Variants in SIRPA observed in about 807,000 individuals in gnomAD.
SIRPA encodes tyrosine-protein phosphatase non-receptor type substrate 1.
In SIRPA, 9 loss-of-function variants were observed where a neutral mutation model predicts 50.3. The observed-to-expected ratio is 0.18, with a 90% CI of 0.11 to 0.31. The LOEUF is 0.31. Among genes scored for constraint, SIRPA ranks in the 10% least tolerant of loss-of-function variants. SIRPA has a pLI of 1.00. For missense variants in SIRPA, 474 were observed against 661.6 expected (o/e 0.72, Z 3.11); for synonymous variants, 265 against 284.1 (o/e 0.93, Z 0.68).
At chr20:1,900,349 C>CAA (rs1166794000) in intron 1 of SIRPA, among the ~76,000 whole-genome samples, 1 of 152,144 alleles carries the variant, frequency 6.6e-6, no homozygotes, top group Non-Finnish European at 1.5e-5. Flanking sequence ...ATCCACCTCC[C>CAA]AAAGTGCTGG....
intron 2 of SIRPA, 48 bp from the exon 3 acceptor site, chr20:1,921,347 G>A: frequency 6.2e-7 from 1 of 1,609,522 alleles, no homozygotes; most frequent in East Asian, 2.2e-5. Context: ...TATCGTTAGT[G>A]ATTGTCATCT....
chr20:1,905,435 G>A (rs1168929471), intron 1 of SIRPA, among the ~76,000 whole-genome samples: 1 of 152,198 alleles, frequency 6.6e-6, no homozygotes, highest in Non-Finnish European at 1.5e-5. Flanking sequence ...AATAGCACCT[G>A]CCACTCTGGG....
In SIRPA at chr20:1,898,504, C is replaced by T. The variant is rs905406066; in HGVS notation, c.79+2978C>T. 2.0e-5 allele frequency among the ~76,000 whole-genome samples: 3 copies of T among 152,122 alleles called. No individual in the cohort carries two copies. The highest frequency in any genetic ancestry group is 2.1e-4 in the South Asian group (1 of 4,830). ...CGTTCCAGGCCGGATGCTGCTCCTG[C>T]GTCGTCTCACCCGCAAGACATGGAT... is the stretch of plus-strand genomic sequence containing the variant. On this transcript the variant is annotated intron_variant, in intron 1 of 7. Transcript: ENST00000358771. The surrounding 1 kb of genome is among the most constrained non-coding windows in gnomAD (Gnocchi z 4.3).
intron 1 of SIRPA, among the ~76,000 whole-genome samples, chr20:1,899,866 G>C (rs974977857): frequency 3.9e-5 from 6 of 152,222 alleles, no homozygotes; most frequent in African/African-American, 1.4e-4. Context: ...TAATTAATGC[G>C]TGTATAATGC....
At chr20:1,922,179 A>G in intron 3 of SIRPA, 134 bp from the exon 4 acceptor site, 8 of 991,540 alleles carry the variant, frequency 8.1e-6, no homozygotes, top group Admixed American at 2.3e-5. Flanking sequence ...AGCACCCTCA[A>G]TGTCTGAGCA....
Position 1,898,648 on chromosome 20 carries a change from A to G in SIRPA, c.79+3122A>G, listed in dbSNP as rs1462948360. On this transcript the variant is annotated intron_variant, in intron 1 of 7. Transcript: ENST00000358771. The surrounding 1 kb of genome is among the most constrained non-coding windows in gnomAD (Gnocchi z 4.3). Reference sequence around the variant, plus strand: ...CTGGCCTTCCTGCTGGGTGGCTTCTAGGGAAGAAGCTCAATGACTTAATCA... The same window carrying G: ...CTGGCCTTCCTGCTGGGTGGCTTCTGGGGAAGAAGCTCAATGACTTAATCA... Among the ~76,000 whole-genome samples the G allele has an allele frequency of 2.6e-5, 4 of 152,118 alleles. No individual in the cohort carries two copies. The highest frequency in any genetic ancestry group is 9.6e-5 in the African/African-American group (4 of 41,496).
chr20:1,928,369 G>C lies in SIRPA; in HGVS notation c.1226+470G>C, dbSNP rs1347628241. Among the ~76,000 whole-genome samples the C allele has an allele frequency of 1.3e-5, 2 of 152,192 alleles. No homozygotes were observed. Among genetic ancestry groups the C allele is most frequent in the Non-Finnish European group, 2.9e-5 (2 of 68,032 alleles). On this transcript the variant is annotated intron_variant, in intron 6 of 7. Transcript: ENST00000358771. This position sits in a 1 kb window ranked among gnomAD's most constrained non-coding sequence, Gnocchi z 4.9. ...CTGCAAGCTCACAGCCTGGTCAGAG[G>C]CTCAGACGGTGACATTACATCACTG...
At chr20:1,923,471 G>A (rs1985785631) in intron 4 of SIRPA, among the ~76,000 whole-genome samples, 1 of 152,272 alleles carries the variant, frequency 6.6e-6, no homozygotes, top group Non-Finnish European at 1.5e-5. Flanking sequence ...CCTTGGGGCT[G>A]TGTCAAAGTG....
chr20:1,904,409 C>G (rs866417231), intron 1 of SIRPA, among the ~76,000 whole-genome samples: 1 of 152,188 alleles, frequency 6.6e-6, no homozygotes, highest in Middle Eastern at 3.2e-3. Flanking sequence ...TAGCCTCCCC[C>G]AGAGGGTCAC....
At chr20:1,916,905 AT>A (rs1418246230) in intron 2 of SIRPA, among the ~76,000 whole-genome samples, 1 of 152,202 alleles carries the variant, frequency 6.6e-6, no homozygotes, top group Non-Finnish European at 1.5e-5. Flanking sequence ...CCTCCTAGAC[AT>A]TATAACAATC....
chr20:1,920,174 G>A lies in SIRPA; in HGVS notation c.437-1221G>A, dbSNP rs1985563807. 1.3e-5 allele frequency among the ~76,000 whole-genome samples: 2 copies of A among 152,146 alleles called. 1 individual carries two copies. Among genetic ancestry groups the A allele is most frequent in the South Asian group, 4.1e-4 (2 of 4,828 alleles). ...TGAGGATTAAAGAGCTGACGGGCAT[G>A]GAGGGAGCAGCCAGTGTCCAGCTCC... On this transcript the variant is annotated intron_variant, in intron 2 of 7. Transcript: ENST00000358771.
chr20:1,921,426 T>C lies in SIRPA; in HGVS notation c.468T>C (p.Pro156=), dbSNP rs371180105. 3.1e-6 allele frequency: 5 copies of C among 1,613,656 alleles called. No individual in the cohort carries two copies. Among genetic ancestry groups the C allele is most frequent in the Non-Finnish European group, 4.2e-6 (5 of 1,179,770 alleles). The change falls in exon 3 of 8, where the codon CCT becomes CCC. Residue 156 remains proline, a synonymous_variant. Transcript: ENST00000358771. ...CCTCTGCCCCCGTGGTATCGGGCCC[T>C]GCGGCGAGGGCCACACCTCAGCACA... ...AKPSAPVVSG[P]AARATPQHTV...
At chr20:1,897,876 T>C (rs1983923329) in intron 1 of SIRPA, among the ~76,000 whole-genome samples, 1 of 152,224 alleles carries the variant, frequency 6.6e-6, no homozygotes, top group East Asian at 1.9e-4. Flanking sequence ...CCTATGTTTT[T>C]GGACCCAATG....
At chr20:1,917,029 A>G (rs536295795) in intron 2 of SIRPA, among the ~76,000 whole-genome samples, 92 of 152,298 alleles carry the variant, frequency 6.0e-4, no homozygotes, top group African/African-American at 2.1e-3. Flanking sequence ...GTGCCTAGAC[A>G]ATCACAGCAA....
chr20:1,914,675 G>T (rs1330542826), intron 1 of SIRPA, among the ~76,000 whole-genome samples: 1 of 150,984 alleles, frequency 6.6e-6, no homozygotes, highest in African/African-American at 2.4e-5. Flanking sequence ...CCTTCTCGGG[G>T]CCTGCATCCT....
rs902015427 is a variant in SIRPA, at chr20:1,911,880, C to CAGG, written c.80-3216_80-3214dup. 5.3e-5 allele frequency among the ~76,000 whole-genome samples: 8 copies of CAGG among 150,376 alleles called. 1 individual carries two copies. Among genetic ancestry groups the CAGG allele is most frequent in the African/African-American group, 1.7e-4 (7 of 40,734 alleles). ...CAGCAAGTGACCCCAGACCCAGAGCCAGGAGTGATTTTTAACAAGCCTGAT... is the reference window on the plus strand; with the variant it reads ...CAGCAAGTGACCCCAGACCCAGAGCCAGGAGGAGTGATTTTTAACAAGCCTGAT... On this transcript the variant is annotated intron_variant, in intron 1 of 7. Coordinates refer to ENST00000358771, the MANE Select transcript of SIRPA (RefSeq NM_001040023.2).
rs199532889 is a variant in SIRPA at position 1,921,604 on chromosome 20, G to A, written c.646G>A (p.Val216Met). ...SYSIHSTAKV[V>M]LTREDVHSQV... ...CAGCATCCACAGCACAGCCAAGGTG[G>A]TGCTGACCCGCGAGGACGTTCACTC... Residue 216 changes from valine to methionine, a missense_variant, in exon 3 of 8, where the codon GTG becomes ATG. Physicochemically the swap from Val to Met is conservative, Grantham distance 21. This residue lies in a region of SIRPA where 221 missense variants were observed against 359.9 expected (regional missense o/e 0.61). Transcript: ENST00000358771. The A allele has an allele frequency of 1.2e-6, 2 of 1,614,220 alleles. No homozygotes were observed. Among genetic ancestry groups the A allele is most frequent in the East Asian group, 2.2e-5 (1 of 44,880 alleles).
chr20:1,900,203 C>T (rs985005699), intron 1 of SIRPA, among the ~76,000 whole-genome samples: 11 of 150,536 alleles, frequency 7.3e-5, no homozygotes, highest in Non-Finnish European at 1.2e-4. Context: ...TGGGTTCAAG[C>T]GATTCTCCTG....
intron 2 of SIRPA, among the ~76,000 whole-genome samples, chr20:1,919,776 G>A (rs991810989): frequency 6.6e-6 from 1 of 152,202 alleles, no homozygotes; most frequent in Middle Eastern, 3.4e-3. Context: ...AAGCCAATTC[G>A]CCAAACTTGT....
Sources: gnomAD v4.1 joint callset for allele counts (sites outside exome capture counted in the v4.1 genomes callset) on GRCh38, gnomAD v4.1.1 for gene constraint, gnomAD v4.1.1 regional missense constraint, Gnocchi (gnomAD v3.1) non-coding constraint, MANE v1.5 for transcripts, NCBI Gene and HGNC (gene_info 2026-07-23, HGNC 2026-07-21) for gene names.